Variants in NCAPG2 observed in about 807,000 individuals in gnomAD.
NCAPG2 encodes non-SMC condensin II complex subunit G2.
NCAPG2 carries 53 observed loss-of-function variants against 141.1 expected under a neutral mutation model. The observed-to-expected ratio is 0.38, with a 90% CI of 0.30 to 0.47. The LOEUF is 0.47. NCAPG2 is among the 20% of genes least tolerant of loss of function. NCAPG2 has a pLI of 0.99. For missense variants in NCAPG2, 1,087 were observed against 1,389.0 expected (o/e 0.78, Z 3.46); for synonymous variants, 499 against 490.7 (o/e 1.02, Z -0.22).
chr7:158,686,066 T>C (rs1329243625), intron 8 of NCAPG2, 106 bp downstream of exon 8: 1 of 640,674 alleles, frequency 1.6e-6, no homozygotes, highest in East Asian at 3.3e-5. Flanking sequence ...GGCTTTATTT[T>C]GACAGAGTGC....
chr7:158,683,827 AATAAG>A (rs1834589782), intron 8 of NCAPG2, among the ~76,000 whole-genome samples: 1 of 152,240 alleles, frequency 6.6e-6, no homozygotes, highest in African/African-American at 2.4e-5. Context: ...GGAAACTGTA[AATAAG>A]ATATTTCAGG....
At chr7:158,660,468 T>C (rs1333718501) in intron 16 of NCAPG2, among the ~76,000 whole-genome samples, 1 of 142,340 alleles carries the variant, frequency 7.0e-6, no homozygotes, top group South Asian at 2.2e-4. Context: ...AGGGCTGGAG[T>C]GAGTGCAGTA....
intron 27 of NCAPG2, 125 bp from the exon 28 acceptor site, chr7:158,631,842 A>C: frequency 4.0e-6 from 3 of 753,652 alleles, no homozygotes; most frequent in East Asian, 5.1e-5. Context: ...AGTTGAAATA[A>C]TCTATAGATG....
intron 19 of NCAPG2, among the ~76,000 whole-genome samples, chr7:158,656,020 C>A (rs1044362322): frequency 6.6e-6 from 1 of 152,178 alleles, no homozygotes; most frequent in African/African-American, 2.4e-5. Flanking sequence ...TGAGTCCTAG[C>A]GCCCTAGCAG....
chr7:158,677,837 G>T (rs1420529469), intron 11 of NCAPG2, among the ~76,000 whole-genome samples: 1 of 152,004 alleles, frequency 6.6e-6, no homozygotes, highest in Non-Finnish European at 1.5e-5. Flanking sequence ...TTGAAACAGG[G>T]TCTTGCTCTG....
chr7:158,645,444 AT>A, intron 26 of NCAPG2, 74 bp downstream of exon 26: 1 of 1,327,014 alleles, frequency 7.5e-7, no homozygotes, highest in African/African-American at 1.4e-5. Context: ...GCAGGGGCTG[AT>A]CCCCGGAATC....
At chr7:158,632,321 G>T (rs749874835) in intron 27 of NCAPG2, among the ~76,000 whole-genome samples, 2 of 152,158 alleles carry the variant, frequency 1.3e-5, no homozygotes, top group Admixed American at 1.3e-4. Flanking sequence ...CTGGCAGTGT[G>T]CCTATTTTAA....
chr7:158,686,813 G>A (rs1453366964), intron 7 of NCAPG2, among the ~76,000 whole-genome samples: 2 of 152,190 alleles, frequency 1.3e-5, no homozygotes, highest in Non-Finnish European at 2.9e-5. Context: ...AGAAAGCAAA[G>A]CCTATCTCAA....
At chr7:158,673,677 G>A (rs1449378126) in intron 12 of NCAPG2, among the ~76,000 whole-genome samples, 4 of 152,206 alleles carry the variant, frequency 2.6e-5, no homozygotes, top group Admixed American at 6.5e-5. Flanking sequence ...CAAAGAAGAC[G>A]CTTGTCTGTA....
chr7:158,696,347 C>T (rs1231469683), intron 2 of NCAPG2: 4 of 152,194 alleles, frequency 2.6e-5, no homozygotes, highest in African/African-American at 9.7e-5. Flanking sequence ...CTCAATATTC[C>T]GTCCGTCAAA....
chr7:158,634,458 G>C (rs895386576), intron 27 of NCAPG2, among the ~76,000 whole-genome samples: 4 of 152,140 alleles, frequency 2.6e-5, no homozygotes, highest in Non-Finnish European at 5.9e-5. Context: ...TTCATATTCA[G>C]TACAGGCACA....
rs373694234 is a variant in NCAPG2, at chr7:158,658,361, C to T, written c.2037G>A (p.Pro679=). ...ACCTGAATGGGGGGACAGCAGAGGC[C>T]GGCATAAAGGACATTAGCATGAATA... The part of the protein sequence containing the change: ...IPLFMLMSFM[P]ASAVPPFSCG... Residue 679 remains proline, a synonymous_variant, in exon 17 of 28, where the codon CCG becomes CCA. Coordinates refer to ENST00000356309, the MANE Select transcript of NCAPG2 (RefSeq NM_017760.7). 3.2e-5 allele frequency: 51 copies of T among 1,611,028 alleles called. No individual in the cohort carries two copies. Among genetic ancestry groups the T allele is most frequent in the Admixed American group, 2.8e-4 (17 of 59,668 alleles).
intron 24 of NCAPG2, among the ~76,000 whole-genome samples, chr7:158,647,900 G>T (rs1385399433): frequency 6.6e-6 from 1 of 152,032 alleles, no homozygotes; most frequent in Non-Finnish European, 1.5e-5. Flanking sequence ...GCCTAGGTTG[G>T]CCTCGAACTC....
rs1834747327 is a variant in NCAPG2 at position 158,686,239 on chromosome 7, G to A, written c.770C>T (p.Ser257Phe). ...AATTTCTGCAATGTATACCATCAAA[G>A]ACCTATATAAAAAGATCAAAATAGT... ...IKNQLQGLQK[S>F]LMVYIAEIYF... Residue 257 changes from serine (S) to phenylalanine (F), a missense_variant and splice_region_variant, in exon 8 of 28, where the codon TCT becomes TTT. Physicochemically the swap from Ser to Phe is radical, Grantham distance 155. Transcript: ENST00000356309. The A allele has an allele frequency of 6.5e-7, 1 of 1,533,816 alleles. No individual in the cohort carries two copies. The highest frequency in any genetic ancestry group is 8.8e-7 in the Non-Finnish European group (1 of 1,134,754).
At chr7:158,636,236 C>T (rs1055708918) in intron 27 of NCAPG2, among the ~76,000 whole-genome samples, 4 of 152,112 alleles carry the variant, frequency 2.6e-5, no homozygotes, top group Non-Finnish European at 5.9e-5. Flanking sequence ...TTTCTTCTCT[C>T]AATGTAACTA....
In NCAPG2 at chr7:158,683,400, T is replaced by C. The variant is rs761657063; in HGVS notation, c.838-14A>G. The C allele has an allele frequency of 5.7e-6, 9 of 1,589,880 alleles. No homozygotes were observed. Among genetic ancestry groups the C allele is most frequent in the Middle Eastern group, 1.7e-4 (1 of 5,988 alleles). ...ATTTTCAATCGCCTGAAATAACAAATGCAATGCAAAGCACTTGGTGTGTGT... is the reference window on the plus strand; with the variant it reads ...ATTTTCAATCGCCTGAAATAACAAACGCAATGCAAAGCACTTGGTGTGTGT... On this transcript the variant is annotated splice_polypyrimidine_tract_variant and intron_variant, in intron 8 of 27. Transcript: ENST00000356309.
Position 158,662,174 on chromosome 7 carries a change from A to G in NCAPG2, c.1989+20T>C. Reference sequence around the variant, plus strand: ...CGTAACCTTAATATACCTTGCTTACAAGTATAGTTCAAGACTTACCTTAAA... The same window carrying G: ...CGTAACCTTAATATACCTTGCTTACGAGTATAGTTCAAGACTTACCTTAAA... On this transcript the variant is annotated intron_variant, in intron 16 of 27. Transcript: ENST00000356309. The G allele has an allele frequency of 6.4e-7, 1 of 1,574,380 alleles. No homozygotes were observed. Among genetic ancestry groups the G allele is most frequent in the Non-Finnish European group, 8.6e-7 (1 of 1,166,942 alleles).
At chr7:158,680,149 A>C in intron 10 of NCAPG2, 64 bp from the exon 11 acceptor site, 1 of 1,504,940 alleles carries the variant, frequency 6.6e-7, no homozygotes, top group Non-Finnish European at 9.1e-7. Flanking sequence ...GCTTAAGTAC[A>C]GTGTTCCCAA....
rs1199118131 is a variant in NCAPG2 at position 158,683,300 on chromosome 7, C to T, written c.924G>A (p.Glu308=). ...AAAAACAATCTGTTCACAATCTTAC[C>T]TCCCGCACTTTGGAATGCACTGGAG... is the stretch of plus-strand genomic sequence containing the variant. The part of the protein sequence containing the change: ...RRSPVHSKVR[E]VLSYFHHQKK... Residue 308 remains glutamate (E), a splice_region_variant and synonymous_variant, in exon 9 of 28, where the codon GAG becomes GAA. Coordinates refer to ENST00000356309, the MANE Select transcript of NCAPG2 (RefSeq NM_017760.7). The T allele has an allele frequency of 6.3e-7, 1 of 1,581,978 alleles. No homozygotes were observed. Among genetic ancestry groups the T allele is most frequent in the Non-Finnish European group, 8.6e-7 (1 of 1,163,500 alleles).
Sources: gnomAD v4.1 joint callset for allele counts (sites outside exome capture counted in the v4.1 genomes callset) on GRCh38, gnomAD v4.1.1 for gene constraint, MANE v1.5 for transcripts, NCBI Gene and HGNC (gene_info 2026-07-23, HGNC 2026-07-21) for gene names.